ERICH3: variants seen among roughly 807,000 people sequenced by gnomAD.
The protein encoded by ERICH3 is glutamate rich 3, also known as glutamate-rich protein 3.
ERICH3 carries 126 observed loss-of-function variants against 131.1 expected under a neutral mutation model. The ratio of observed to expected loss-of-function variants is 0.96; its 90% CI spans 0.83 to 1.11. The LOEUF (loss-of-function observed/expected upper bound fraction) is 1.11. ERICH3 is among the 50% of genes most tolerant of loss of function. The pLI, the probability that ERICH3 is intolerant of heterozygous loss-of-function variation, is 0.00. For missense variants in ERICH3, 2,050 were observed against 1,810.7 expected, an observed-to-expected ratio of 1.13 and a Z score of -2.40; for synonymous variants, 695 against 644.6, an observed-to-expected ratio of 1.08 and a Z score of -1.18.
intron 1 of ERICH3, among the ~76,000 whole-genome samples, chr1:74,668,714 C>A (rs1646714423): frequency 6.6e-6 from 1 of 152,098 alleles, no homozygotes; most frequent in South Asian, 2.1e-4. Flanking sequence ...AGAGCAGAAT[C>A]TATAACATGA....
intron 13 of ERICH3, among the ~76,000 whole-genome samples, chr1:74,575,251 T>C (rs1647030104): frequency 6.6e-6 from 1 of 152,242 alleles, no homozygotes; most frequent in African/African-American, 2.4e-5. Flanking sequence ...TGATAAAGCA[T>C]TTTGAGGTAA....
At chr1:74,667,604 T>A (rs576010153) in intron 1 of ERICH3, among the ~76,000 whole-genome samples, 8 of 152,334 alleles carry the variant, frequency 5.3e-5, no homozygotes, top group Admixed American at 2.0e-4. Context: ...AGGTTCTGAA[T>A]ATTTGGGGCT....
At chr1:74,636,130 A>G in intron 6 of ERICH3, 150 bp downstream of exon 6, 1 of 599,804 alleles carries the variant, frequency 1.7e-6, no homozygotes, top group Non-Finnish European at 2.5e-6. Flanking sequence ...AGACATAATT[A>G]ATCACAAGTA....
Position 74,568,445 on chromosome 1 carries a change from T to C in ERICH3, c.*2013A>G, listed in dbSNP as rs1005569966. On this transcript the variant is annotated 3_prime_UTR_variant, in exon 15 of 15. Transcript: ENST00000326665. ...TTCAAAGTGCTCTGTAGCATTGAGT[T>C]TGAAATCAGGAAACAAATACTGTTA... 1 of 152,148 alleles carries C rather than the reference T, an allele frequency of 6.6e-6. No individual in the cohort carries two copies. The highest frequency in any genetic ancestry group is 2.1e-4 in the South Asian group (1 of 4,834). 9.4% of individuals were successfully genotyped at this position (152,148 alleles called of 1,614,324 possible).
At chr1:74,601,885 C>A (rs534904580) in intron 10 of ERICH3, among the ~76,000 whole-genome samples, 7 of 151,942 alleles carry the variant, frequency 4.6e-5, no homozygotes, top group African/African-American at 1.7e-4. Flanking sequence ...ATGGGTAATA[C>A]AACGCTATGG....
chr1:74,621,014 G>A (rs891640886), intron 7 of ERICH3, 100 bp from the exon 8 acceptor site: 6 of 964,312 alleles, frequency 6.2e-6, no homozygotes, highest in Non-Finnish European at 7.1e-6. Context: ...TTATTTTTAA[G>A]TACCTACCAA....
At chr1:74,668,539 T>G (rs557849400) in intron 1 of ERICH3, among the ~76,000 whole-genome samples, 10 of 152,320 alleles carry the variant, frequency 6.6e-5, no homozygotes, top group African/African-American at 2.4e-4. Flanking sequence ...TCAAAAACAT[T>G]TTTTGTGTCT....
chr1:74,593,915 C>T (rs1647722983), intron 11 of ERICH3, among the ~76,000 whole-genome samples: 1 of 152,146 alleles, frequency 6.6e-6, no homozygotes, highest in Non-Finnish European at 1.5e-5. Context: ...GAAGTACCCA[C>T]AGCCATGGAC....
intron 1 of ERICH3, among the ~76,000 whole-genome samples, chr1:74,651,120 TTA>T (rs1175608587): frequency 6.6e-6 from 1 of 152,094 alleles, no homozygotes; most frequent in East Asian, 1.9e-4. Flanking sequence ...GGGACTCATA[TTA>T]TAGAGTCAAG....
intron 12 of ERICH3, chr1:74,586,292 G>C: frequency 1.5e-6 from 1 of 679,350 alleles, no homozygotes. Flanking sequence ...AAAATGTATA[G>C]TATGTTTCCA....
rs1570904911 is a variant in ERICH3, at chr1:74,646,812, T to C, written c.118-20A>G. 1 of 1,345,762 alleles carries C rather than the reference T, an allele frequency of 7.4e-7. No individual in the cohort carries two copies. The highest frequency in any genetic ancestry group is 1.0e-6 in the Non-Finnish European group (1 of 992,702). 83.4% of individuals were successfully genotyped at this position (1,345,762 alleles called of 1,614,324 possible). A position where few individuals can be genotyped will look rare whatever the true frequency, so the allele number is the denominator to read the frequency against. The stretch of plus-strand genomic sequence containing the variant: ...TGTGATCTGTCATGAATAAATAAAA[T>C]ATACATAGAAATATAAAATAGAAAA... On this transcript the variant is annotated intron_variant, in intron 2 of 14. Transcript: ENST00000326665.
At chr1:74,595,443 A>G (rs1250709700) in intron 11 of ERICH3, among the ~76,000 whole-genome samples, 2 of 152,114 alleles carry the variant, frequency 1.3e-5, no homozygotes, top group African/African-American at 4.8e-5. Context: ...GGAGACAAGT[A>G]TATGTAAGAA....
At chr1:74,635,109 C>T (rs76750533) in intron 6 of ERICH3, among the ~76,000 whole-genome samples, 2,410 of 152,114 alleles carry the variant, frequency 0.016, 82 homozygotes, top group African/African-American at 0.055. Flanking sequence ...TTTAGTTAGC[C>T]TGGACAGTCT....
chr1:74,583,302 C>T (rs944091569), intron 12 of ERICH3, among the ~76,000 whole-genome samples: 1 of 152,038 alleles, frequency 6.6e-6, no homozygotes, highest in Non-Finnish European at 1.5e-5. Context: ...CTAGCAGATG[C>T]TTAAAACAGT....
At chr1:74,602,081 C>T (rs1298088462) in intron 10 of ERICH3, among the ~76,000 whole-genome samples, 1 of 151,836 alleles carries the variant, frequency 6.6e-6, no homozygotes, top group Non-Finnish European at 1.5e-5. Flanking sequence ...TTAGTGGAGG[C>T]ACCTGATTAA....
At position 74,622,864 on chromosome 1, in the gene ERICH3, T is replaced by A. The variant is rs182675391; in HGVS notation, c.820-1950A>T. ...TTCTGCTAAAGCTTATTTCTGATGGTAAAATCTCTTTTCTCTTGGGTCTCA... is the reference window on the plus strand; with the variant it reads ...TTCTGCTAAAGCTTATTTCTGATGGAAAAATCTCTTTTCTCTTGGGTCTCA... On this transcript the variant is annotated intron_variant, in intron 7 of 14. Transcript: ENST00000326665. 14 of 152,314 alleles carry A rather than the reference T, an allele frequency of 9.2e-5. No homozygotes were observed. In the East Asian group the frequency reaches 2.7e-3, roughly 29 times the overall value. The allele number at this position is 152,314 out of a possible 1,614,324, so 9.4% of individuals were successfully genotyped here.
chr1:74,580,530 TGTC>T (rs1647158841), intron 12 of ERICH3, among the ~76,000 whole-genome samples: 1 of 152,242 alleles, frequency 6.6e-6, no homozygotes, highest in Non-Finnish European at 1.5e-5. Flanking sequence ...TGATGAACAA[TGTC>T]ATCAATAATG....
At chr1:74,608,123 G>A (rs1648488726) in intron 9 of ERICH3, among the ~76,000 whole-genome samples, 1 of 151,922 alleles carries the variant, frequency 6.6e-6, no homozygotes, top group South Asian at 2.1e-4. Context: ...TCTATTACAG[G>A]TGTAGGCCTC....
Position 74,589,518 on chromosome 1 carries a change from A to G in ERICH3, c.2176+113T>C. ...AAGAGAGACACAGCAAAAAATCTTG[A>G]ATCCCTAAAGCATTGTCACAGTAGT... is the stretch of plus-strand genomic sequence containing the variant. On this transcript the variant is annotated intron_variant, in intron 12 of 14. Transcript: ENST00000326665. 6 of 1,025,938 alleles carry G rather than the reference A, an allele frequency of 5.8e-6. No homozygotes were observed. The South Asian group carries it at 9.8e-5, about 17-fold the overall frequency. The allele number at this position is 1,025,938 out of a possible 1,614,324, so 63.6% of individuals were successfully genotyped here. A position where few individuals can be genotyped will look rare whatever the true frequency, so the allele number is the denominator to read the frequency against.
Sources: allele counts gnomAD v4.1 joint callset (sites outside exome capture counted in the v4.1 genomes callset), GRCh38; gene constraint gnomAD v4.1.1; transcripts MANE v1.5; gene names NCBI Gene and HGNC (gene_info 2026-07-23, HGNC 2026-07-21).